Variants in SLAMF6 observed in about 807,000 individuals in gnomAD.
SLAMF6 encodes the protein SLAM family member 6.
A neutral mutation model predicts 38.3 loss-of-function variants in SLAMF6; 21 were observed. The ratio of observed to expected loss-of-function variants is 0.55; its 90% confidence interval spans 0.39 to 0.79. The LOEUF is 0.79. Among genes scored for constraint, SLAMF6 ranks in the 30% least tolerant of loss-of-function variants. The pLI is 0.00. For synonymous variants in SLAMF6, 152 were observed against 146.3 expected (o/e 1.04, Z -0.28); for missense variants, 341 against 385.3 (o/e 0.89, Z 0.96).
At chr1:160,486,830 A>G (rs1652987618) in intron 7 of SLAMF6, 76 bp from the exon 8 acceptor site, 1 of 1,516,474 alleles carries the variant, frequency 6.6e-7, no homozygotes, top group Admixed American at 1.7e-5. Context: ...CTACAGAGAG[A>G]GGACTGGAGA....
intron 1 of SLAMF6, among the ~76,000 whole-genome samples, chr1:160,516,397 A>C (rs1480783761): frequency 3.3e-5 from 5 of 152,250 alleles, no homozygotes; most frequent in Non-Finnish European, 7.3e-5. Flanking sequence ...ATGGATAGGA[A>C]GAATCAACAT....
intron 2 of SLAMF6, among the ~76,000 whole-genome samples, chr1:160,494,750 C>G (rs1447062730): frequency 6.6e-6 from 1 of 152,068 alleles, no homozygotes; most frequent in Non-Finnish European, 1.5e-5. Flanking sequence ...TTGACAGCAA[C>G]CAGAAGCTGG....
At chr1:160,506,319 A>T (rs1226919359) in intron 1 of SLAMF6, among the ~76,000 whole-genome samples, 1 of 152,164 alleles carries the variant, frequency 6.6e-6, no homozygotes, top group African/African-American at 2.4e-5. Context: ...TCAACAGCCA[A>T]TTTCTCAGAA....
chr1:160,495,381 T>A (rs998251146), intron 2 of SLAMF6, among the ~76,000 whole-genome samples: 2 of 152,232 alleles, frequency 1.3e-5, no homozygotes, highest in African/African-American at 4.8e-5. Flanking sequence ...TCATTATAGT[T>A]TCCATAATTT....
intron 1 of SLAMF6, among the ~76,000 whole-genome samples, chr1:160,521,266 T>G (rs144139392): frequency 6.6e-6 from 1 of 152,170 alleles, no homozygotes; most frequent in Non-Finnish European, 1.5e-5. Context: ...TCAAATGTGT[T>G]TCTCTTTCTA....
Position 160,487,188 on chromosome 1 carries a change from T to A in SLAMF6, c.880-13A>T, listed in dbSNP as rs780741650. On this transcript the variant is annotated splice_polypyrimidine_tract_variant and intron_variant, in intron 6 of 7. Transcript: ENST00000368057. ...AGATTTCTGTTTCCTGTAAAAAGAA[T>A]CATACCAATTTGGCTTACACAGAGA... The A allele has an allele frequency of 3.1e-6, 5 of 1,611,196 alleles. No individual in the cohort carries two copies. In the South Asian group the frequency reaches 5.5e-5, roughly 18 times the overall value.
chr1:160,496,245 T>C lies in SLAMF6; in HGVS notation c.198A>G (p.Val66=). 1.2e-6 allele frequency: 2 copies of C among 1,613,844 alleles called. No homozygotes were observed. Among genetic ancestry groups the C allele is most frequent in the Non-Finnish European group, 1.7e-6 (2 of 1,179,904 alleles). The change falls in exon 2 of 8, where the codon GTA becomes GTG. Residue 66 remains valine (V), a synonymous_variant. Coordinates refer to ENST00000368057, the MANE Select transcript of SLAMF6 (RefSeq NM_001184714.2). ...TTTCTGGACTTTTGGTTTCATGGGG[T>C]ACTATGAAGGCAAGAGATGTTTCAT... ...LFNETSLAFI[V]PHETKSPEIH...
At chr1:160,519,770 C>T (rs111886248) in intron 1 of SLAMF6, among the ~76,000 whole-genome samples, 1,769 of 109,040 alleles carry the variant, frequency 0.016, 13 homozygotes, top group Middle Eastern at 0.041. Context: ...GAAAGCAGAT[C>T]GGTATTTGCC....
intron 1 of SLAMF6, among the ~76,000 whole-genome samples, chr1:160,512,862 C>A (rs1010398298): frequency 1.3e-5 from 2 of 152,064 alleles, no homozygotes; most frequent in Non-Finnish European, 2.9e-5. Context: ...ATCCAAAGAT[C>A]AGCAGACTCA....
intron 1 of SLAMF6, among the ~76,000 whole-genome samples, chr1:160,510,209 A>G (rs1654401714): frequency 6.6e-6 from 1 of 152,080 alleles, no homozygotes; most frequent in Non-Finnish European, 1.5e-5. Context: ...TCTTCCCAAA[A>G]ATAGAAGAGG....
intron 1 of SLAMF6, among the ~76,000 whole-genome samples, chr1:160,522,636 T>C (rs1405755367): frequency 2.0e-5 from 3 of 151,466 alleles, no homozygotes; most frequent in Admixed American, 6.6e-5. Context: ...ACCTTTTTTT[T>C]TGCAATGAGC....
rs763275637 is a variant in SLAMF6 at position 160,496,064 on chromosome 1, A to G, written c.379T>C (p.Leu127=). ...TAAACCCCATATTTTGACTTACTTA[A>G]TATCCTCAGAGTGTAACTGGACAGC... ...AKLSSYTLRI[L]RQLRNIQVTN... Residue 127 remains leucine, a synonymous_variant, in exon 2 of 8, where the codon TTA becomes CTA. Coordinates refer to ENST00000368057, the MANE Select transcript of SLAMF6 (RefSeq NM_001184714.2). 6 of 1,607,856 alleles carry G rather than the reference A, an allele frequency of 3.7e-6. No individual in the cohort carries two copies. The highest frequency in any genetic ancestry group is 5.1e-6 in the Non-Finnish European group (6 of 1,176,116).
chr1:160,502,852 G>T (rs1431693105), intron 1 of SLAMF6, among the ~76,000 whole-genome samples: 1 of 152,138 alleles, frequency 6.6e-6, no homozygotes, highest in Non-Finnish European at 1.5e-5. Context: ...TTTCTCAAGA[G>T]AATTTAAAGA....
rs751476353 is a variant in SLAMF6 at position 160,489,090 on chromosome 1, T to G, written c.877A>C (p.Arg293=). 2 of 1,612,010 alleles carry G rather than the reference T, an allele frequency of 1.2e-6. No individual in the cohort carries two copies. The highest frequency in any genetic ancestry group is 1.3e-5 in the African/African-American group (1 of 74,862). The change falls in exon 6 of 8, where the codon AGG becomes CGG. Residue 293 remains arginine, a splice_region_variant and synonymous_variant. Transcript: ENST00000368057. ...TVYASVTHSN[R]ETEIWTPREN... ...CATATAAAGCTGAAAAGACTCACCCTGTTTGAATGAGTGACTGAAGCATAC... is the reference window on the plus strand; with the variant it reads ...CATATAAAGCTGAAAAGACTCACCCGGTTTGAATGAGTGACTGAAGCATAC...
intron 1 of SLAMF6, among the ~76,000 whole-genome samples, chr1:160,505,356 G>T (rs571459166): frequency 6.6e-6 from 1 of 152,300 alleles, no homozygotes; most frequent in African/African-American, 2.4e-5. Flanking sequence ...AACAGAAATT[G>T]TCCCTAAGGA....
intron 1 of SLAMF6, among the ~76,000 whole-genome samples, chr1:160,501,088 A>G (rs1345372491): frequency 6.6e-6 from 1 of 152,184 alleles, no homozygotes; most frequent in African/African-American, 2.4e-5. Flanking sequence ...AAATTTATTT[A>G]TTTGTTTGTT....
chr1:160,514,089 G>A (rs1654626335), intron 1 of SLAMF6, among the ~76,000 whole-genome samples: 2 of 152,070 alleles, frequency 1.3e-5, no homozygotes, highest in African/African-American at 4.8e-5. Context: ...GGTAAATTGT[G>A]AAGACCCATT....
At chr1:160,500,164 C>T (rs1230754087) in intron 1 of SLAMF6, among the ~76,000 whole-genome samples, 3 of 152,122 alleles carry the variant, frequency 2.0e-5, no homozygotes, top group Non-Finnish European at 4.4e-5. Context: ...CAGATTTGTT[C>T]ATTTTATGAT....
chr1:160,507,671 G>T (rs191047177), intron 1 of SLAMF6, among the ~76,000 whole-genome samples: 25 of 152,032 alleles, frequency 1.6e-4, no homozygotes, highest in Middle Eastern at 3.4e-3. Flanking sequence ...AATTATAAAA[G>T]ACTTAAATAT....
Sources: allele counts gnomAD v4.1 joint callset (sites outside exome capture counted in the v4.1 genomes callset), GRCh38; gene constraint gnomAD v4.1.1; transcripts MANE v1.5; gene names NCBI Gene and HGNC (gene_info 2026-07-23, HGNC 2026-07-21).